ANKRD44: variants seen among roughly 807,000 people sequenced by gnomAD.
ANKRD44 encodes the protein ankyrin repeat domain 44.
Under a neutral mutation model 116.0 loss-of-function variants are expected in ANKRD44, and 35 were observed. That is an observed-to-expected ratio of 0.30 (90% CI 0.23 to 0.40). ANKRD44 has a LOEUF of 0.40. Among genes scored for constraint, ANKRD44 ranks in the 10% least tolerant of loss-of-function variants. The pLI, the probability that ANKRD44 is intolerant of heterozygous loss-of-function variation, is 1.00. For missense variants in ANKRD44, 1,014 were observed against 1,242.6 expected (o/e 0.82, Z 2.77); for synonymous variants, 435 against 461.8 (o/e 0.94, Z 0.74).
chr2:197,193,382 C>T (rs2080868505), intron 1 of ANKRD44, among the ~76,000 whole-genome samples: 4 of 152,154 alleles, frequency 2.6e-5, no homozygotes, highest in Admixed American at 2.6e-4. Context: ...GATGGAATAA[C>T]AGTATCAGTT....
Position 197,301,543 on chromosome 2 carries a change from T to C in ANKRD44, c.27+9035A>G, listed in dbSNP as rs189586637. ...AGAAAATAGGACAATATGTGATCTT[T>C]TATCTTTTCATAGGGCAGAAAACTT... is the stretch of plus-strand genomic sequence containing the variant. On this transcript the variant is annotated intron_variant, in intron 1 of 27. Transcript: ENST00000282272. The C allele has an allele frequency of 4.7e-3, 715 of 152,320 alleles. 6 individuals are homozygous for C. Among genetic ancestry groups the C allele is most frequent in the African/African-American group, 0.016 (685 of 41,576 alleles). 9.4% of individuals were successfully genotyped at this position (152,320 alleles called of 1,614,324 possible). A position where few individuals can be genotyped will look rare whatever the true frequency, so the allele number is the denominator to read the frequency against.
intron 10 of ANKRD44, 167 bp downstream of exon 10, chr2:197,099,649 T>G (rs375770300): frequency 6.1e-6 from 8 of 1,317,746 alleles, no homozygotes; most frequent in Non-Finnish European, 7.8e-6. Flanking sequence ...TCTTTGCCTC[T>G]GTCATTAAAA....
chr2:197,207,312 G>C (rs769460738), intron 1 of ANKRD44, among the ~76,000 whole-genome samples: 1 of 152,194 alleles, frequency 6.6e-6, no homozygotes, highest in East Asian at 1.9e-4. Flanking sequence ...TCTTACCAGA[G>C]TCCTCATTGT....
At chr2:197,213,674 A>G (rs184185757) in intron 1 of ANKRD44, among the ~76,000 whole-genome samples, 1 of 152,328 alleles carries the variant, frequency 6.6e-6, no homozygotes, top group African/African-American at 2.4e-5. Context: ...AAATAATGGA[A>G]TTGGACCTGT....
intron 2 of ANKRD44, among the ~76,000 whole-genome samples, chr2:197,171,996 C>CTT (rs1559122763): frequency 6.8e-5 from 2 of 29,316 alleles, no homozygotes; most frequent in Admixed American, 7.5e-4. Context: ...CGTTATTTTT[C>CTT]TTCTTTTTTT....
chr2:197,181,485 G>T (rs1438694328), intron 2 of ANKRD44, among the ~76,000 whole-genome samples: 2 of 152,164 alleles, frequency 1.3e-5, no homozygotes, highest in African/African-American at 4.8e-5. Context: ...TTTCACAGTT[G>T]TAAGAGACTT....
chr2:197,283,029 C>T (rs991812124), intron 1 of ANKRD44, among the ~76,000 whole-genome samples: 19 of 152,176 alleles, frequency 1.2e-4, no homozygotes, highest in Non-Finnish European at 4.4e-5. Context: ...TTAGAAGAGT[C>T]TCTGGAAGAG....
chr2:197,146,963 A>G (rs2125431339), intron 3 of ANKRD44, 64 bp downstream of exon 3: 1 of 1,455,566 alleles, frequency 6.9e-7, no homozygotes, highest in African/African-American at 1.4e-5. Context: ...GTAGTAGTCA[A>G]TCTAGTAAAT....
chr2:197,121,614 A>G (rs1038907275), intron 7 of ANKRD44, 70 bp from the exon 8 acceptor site: 4 of 1,341,164 alleles, frequency 3.0e-6, no homozygotes, highest in East Asian at 2.4e-5. Flanking sequence ...CACAAAAAGC[A>G]TAACGGCTGT....
chr2:197,079,474 CCA>C (rs2077745253), intron 15 of ANKRD44, among the ~76,000 whole-genome samples: 2 of 152,154 alleles, frequency 1.3e-5, no homozygotes, highest in South Asian at 2.1e-4. Flanking sequence ...TCTGAAAAAG[CCA>C]CAGTCTTTGG....
chr2:197,187,951 C>T (rs544397028), intron 1 of ANKRD44, among the ~76,000 whole-genome samples: 1 of 152,018 alleles, frequency 6.6e-6, no homozygotes, highest in African/African-American at 2.4e-5. Flanking sequence ...TCCTTGTTAT[C>T]CTCAAATAAT....
intron 2 of ANKRD44, among the ~76,000 whole-genome samples, chr2:197,155,317 A>T (rs1270418982): frequency 6.6e-6 from 1 of 152,238 alleles, no homozygotes; most frequent in African/African-American, 2.4e-5. Context: ...ACCAAGATTC[A>T]AAACCAGATC....
intron 1 of ANKRD44, among the ~76,000 whole-genome samples, chr2:197,193,780 G>A (rs1487280104): frequency 6.6e-6 from 1 of 152,248 alleles, no homozygotes; most frequent in South Asian, 2.1e-4. Flanking sequence ...TGCTCAGGAG[G>A]CTGAGGCAGG....
At chr2:197,039,607 G>A (rs932693630) in intron 16 of ANKRD44, among the ~76,000 whole-genome samples, 1 of 151,932 alleles carries the variant, frequency 6.6e-6, no homozygotes, top group African/African-American at 2.4e-5. Flanking sequence ...CAGTGGAAGA[G>A]GCATCTGATT....
intron 2 of ANKRD44, among the ~76,000 whole-genome samples, chr2:197,171,246 G>A (rs566501546): frequency 1.2e-4 from 18 of 152,312 alleles, no homozygotes; most frequent in African/African-American, 4.3e-4. Flanking sequence ...TGGCCAAAGA[G>A]TGATGGGAGA....
chr2:197,209,840 G>A (rs1259196193), intron 1 of ANKRD44, among the ~76,000 whole-genome samples: 2 of 152,248 alleles, frequency 1.3e-5, no homozygotes, highest in Non-Finnish European at 2.9e-5. Flanking sequence ...ATTGTCTTGT[G>A]AGTCAGGGGA....
intron 1 of ANKRD44, among the ~76,000 whole-genome samples, chr2:197,280,625 C>T (rs986159949): frequency 3.3e-5 from 5 of 152,174 alleles, no homozygotes; most frequent in African/African-American, 7.2e-5. Flanking sequence ...ACAATAGCCA[C>T]GGTCTTGATA....
At chr2:197,032,482 G>C (rs889175850) in intron 16 of ANKRD44, among the ~76,000 whole-genome samples, 1 of 149,576 alleles carries the variant, frequency 6.7e-6, no homozygotes, top group Non-Finnish European at 1.5e-5. Context: ...TCCGCCTCCC[G>C]GGTTCATGTG....
At chr2:197,170,190 C>CAAAAAAAAA (rs71012960) in intron 2 of ANKRD44, among the ~76,000 whole-genome samples, 10 of 119,750 alleles carry the variant, frequency 8.4e-5, no homozygotes, top group African/African-American at 3.0e-4. Context: ...ACCCTGTTTC[C>CAAAAAAAAA]AAAAAAAAAA....
Sources: allele counts gnomAD v4.1 joint callset (sites outside exome capture counted in the v4.1 genomes callset), GRCh38; gene constraint gnomAD v4.1.1; transcripts MANE v1.5; gene names NCBI Gene and HGNC (gene_info 2026-07-23, HGNC 2026-07-21).